The following STXBP4 variants were observed in gnomAD, a reference collection of about 807,000 sequenced individuals.
STXBP4 encodes syntaxin binding protein 4, also known as syntaxin-binding protein 4.
Under a neutral mutation model 76.1 loss-of-function variants are expected in STXBP4, and 55 were observed. The ratio of observed to expected loss-of-function variants is 0.72; its 90% CI spans 0.58 to 0.91. The LOEUF is 0.91. Ranked by LOEUF, STXBP4 falls within the 40% of genes least tolerant of loss-of-function variation. STXBP4 has a pLI of 0.00. For missense variants in STXBP4, 618 were observed against 636.9 expected (o/e 0.97, Z 0.32); for synonymous variants, 201 against 220.2 (o/e 0.91, Z 0.77).
the STXBP4 span, among the ~76,000 whole-genome samples, chr17:55,206,460 G>A: frequency 6.6e-6 from 1 of 152,028 alleles, no homozygotes; most frequent in Non-Finnish European, 1.5e-5. Context: ...TAGTTTCTAG[G>A]ATTAATCCTA....
At chr17:55,102,273 C>T (rs184566481) in intron 16 of STXBP4, among the ~76,000 whole-genome samples, 1 of 152,204 alleles carries the variant, frequency 6.6e-6, no homozygotes, top group African/African-American at 2.4e-5. Context: ...CTATCCCTCC[C>T]CCAGCCCTCC....
At chr17:55,196,205 C>G in the STXBP4 span, among the ~76,000 whole-genome samples, 1 of 152,144 alleles carries the variant, frequency 6.6e-6, no homozygotes, top group African/African-American at 2.4e-5. Context: ...TCAGATGTTA[C>G]ATGATTCATC....
At chr17:55,039,169 C>T (rs1263932578) in intron 10 of STXBP4, among the ~76,000 whole-genome samples, 2 of 152,082 alleles carry the variant, frequency 1.3e-5, no homozygotes, top group Non-Finnish European at 2.9e-5. Context: ...CATAGTGTGG[C>T]AAGGCCATAA....
intron 16 of STXBP4, among the ~76,000 whole-genome samples, chr17:55,137,900 CT>C (rs2080052257): frequency 6.6e-6 from 1 of 152,086 alleles, no homozygotes; most frequent in Admixed American, 6.6e-5. Flanking sequence ...AATTAAACTA[CT>C]TTTTAATGTT....
intron 1 of STXBP4, among the ~76,000 whole-genome samples, chr17:54,972,506 A>G (rs2144263580): frequency 6.6e-6 from 1 of 152,278 alleles, no homozygotes; most frequent in South Asian, 2.1e-4. Flanking sequence ...ATTTATTACT[A>G]TTATTTTTTA....
intron 16 of STXBP4, among the ~76,000 whole-genome samples, chr17:55,137,228 C>G (rs1374074984): frequency 1.3e-5 from 2 of 151,102 alleles, no homozygotes; most frequent in Non-Finnish European, 2.9e-5. Context: ...TTTAACAAAG[C>G]CTTATTAATT....
Position 55,047,161 on chromosome 17 carries a change from A to G in STXBP4, c.1011+7A>G, listed in dbSNP as rs1393321470. 3.2e-6 allele frequency: 5 copies of G among 1,570,524 alleles called. No homozygotes were observed. The South Asian group carries it at 4.5e-5, about 14-fold the overall frequency. ...GCTCCAGAATGTGAAACAAGTAAGT[A>G]TATGTATTGTGTATATATGTGCTCG... On this transcript the variant is annotated splice_region_variant and intron_variant, in intron 12 of 17. Transcript: ENST00000376352.
At position 55,117,014 on chromosome 17, in the gene STXBP4, T is replaced by G. The variant is rs372151353; in HGVS notation, c.1490-24296T>G. On this transcript the variant is annotated intron_variant, in intron 16 of 17. Coordinates refer to ENST00000376352, the MANE Select transcript of STXBP4 (RefSeq NM_178509.6). ...TAAGATAAGCATAATTAAGAATCTT[T>G]CTAGAAGGAAATTTCTCAGGAGGTA... Among the ~76,000 whole-genome samples the G allele has an allele frequency of 3.9e-5, 6 of 151,950 alleles. No homozygotes were observed. In the East Asian group the frequency reaches 9.6e-4, roughly 24 times the overall value.
chr17:55,039,321 G>A (rs2078655969), intron 10 of STXBP4, among the ~76,000 whole-genome samples: 1 of 148,582 alleles, frequency 6.7e-6, no homozygotes, highest in East Asian at 2.0e-4. Flanking sequence ...AAATTAGAAC[G>A]TAATGCACAC....
At chr17:55,038,017 C>G (rs931524175) in intron 10 of STXBP4, among the ~76,000 whole-genome samples, 2 of 152,098 alleles carry the variant, frequency 1.3e-5, no homozygotes, top group African/African-American at 4.8e-5. Context: ...TGCTGACTGT[C>G]TGTGAGGGTG....
intron 12 of STXBP4, among the ~76,000 whole-genome samples, chr17:55,062,042 C>T (rs866750637): frequency 6.6e-6 from 1 of 151,852 alleles, no homozygotes; most frequent in Non-Finnish European, 1.5e-5. Flanking sequence ...CAAAATCAGC[C>T]TGGGCAACCA....
intron 8 of STXBP4, among the ~76,000 whole-genome samples, chr17:55,018,206 C>T (rs1000704535): frequency 2.6e-5 from 4 of 152,112 alleles, no homozygotes; most frequent in East Asian, 3.9e-4. Flanking sequence ...GTATTGAGCT[C>T]GATTAGGACG....
At chr17:55,128,334 T>TGA (rs2079935110) in intron 16 of STXBP4, among the ~76,000 whole-genome samples, 1 of 152,166 alleles carries the variant, frequency 6.6e-6, no homozygotes, top group South Asian at 2.1e-4. Flanking sequence ...GAGGCACTGC[T>TGA]GAGAGTGTTC....
At chr17:55,002,993 T>TC (rs1040239356) in intron 7 of STXBP4, among the ~76,000 whole-genome samples, 2 of 152,166 alleles carry the variant, frequency 1.3e-5, no homozygotes, top group African/African-American at 4.8e-5. Flanking sequence ...TTTTATGTCC[T>TC]CCCCTTGACC....
intron 16 of STXBP4, among the ~76,000 whole-genome samples, chr17:55,123,374 G>T (rs1475803219): frequency 2.0e-5 from 3 of 152,114 alleles, no homozygotes; most frequent in Non-Finnish European, 4.4e-5. Flanking sequence ...ATTTATAATT[G>T]CATGCAGGTT....
At position 55,161,766 on chromosome 17, in the gene STXBP4, G is replaced by C. The variant is rs1324409902; in HGVS notation, c.*1855G>C. ...GAGCAGTTTGCATATATTTATTTAT[G>C]ATCTTCTTAAAACCATTCCATGAAA... On this transcript the variant is annotated 3_prime_UTR_variant, in exon 18 of 18. Transcript: ENST00000376352. 1 of 152,134 alleles carries C rather than the reference G, an allele frequency of 6.6e-6. No individual in the cohort carries two copies. The highest frequency in any genetic ancestry group is 2.4e-5 in the African/African-American group (1 of 41,424). 9.4% of individuals were successfully genotyped at this position (152,134 alleles called of 1,614,324 possible).
Position 55,081,166 on chromosome 17 carries a change from C to G in STXBP4, c.1472C>G (p.Ala491Gly), listed in dbSNP as rs2079250127. 1.3e-6 allele frequency: 2 copies of G among 1,498,092 alleles called. No individual in the cohort carries two copies. The highest frequency in any genetic ancestry group is 1.5e-5 in the African/African-American group (1 of 68,524). The allele number at this position is 1,498,092 out of a possible 1,614,324, so 92.8% of individuals were successfully genotyped here. Residue 491 changes from alanine to glycine, a missense_variant, in exon 16 of 18, where the codon GCC becomes GGC. Transcript: ENST00000376352. Reference protein sequence around the residue: ...ESKELVKSVRALLDMDCLPYG... With the variant: ...ESKELVKSVRGLLDMDCLPYG... ...AAGGAACTTGTTAAATCTGTTCGTG[C>G]CTTACTTGATATGGATTGTAAGTTT...
chr17:55,047,268 G>A (rs1567736658), intron 12 of STXBP4, 114 bp downstream of exon 12: 3 of 574,920 alleles, frequency 5.2e-6, no homozygotes, highest in African/African-American at 3.9e-5. Context: ...ATATCCCAGA[G>A]CTTCCTGATA....
At position 55,031,118 on chromosome 17, in the gene STXBP4, A is replaced by G. The variant is rs545434742; in HGVS notation, c.667-50A>G. On this transcript the variant is annotated intron_variant, in intron 8 of 17. Coordinates refer to ENST00000376352, the MANE Select transcript of STXBP4 (RefSeq NM_178509.6). ...TGTAAAGTTTGTAATGAAAAGTTTT[A>G]TTCTTTGGAGATTTGAAAAATTGCT... 5.7e-5 allele frequency: 79 copies of G among 1,397,930 alleles called. No homozygotes were observed. The South Asian group carries it at 9.1e-4, about 16-fold the overall frequency. 86.6% of individuals were successfully genotyped at this position (1,397,930 alleles called of 1,614,324 possible).
Sources: gnomAD v4.1 joint callset for allele counts (sites outside exome capture counted in the v4.1 genomes callset) on GRCh38, gnomAD v4.1.1 for gene constraint, MANE v1.5 for transcripts, NCBI Gene and HGNC (gene_info 2026-07-23, HGNC 2026-07-21) for gene names.